The following MDGA2 variants were observed in gnomAD, a reference collection of about 807,000 sequenced individuals.
The protein encoded by MDGA2 is MAM domain containing glycosylphosphatidylinositol anchor 2, also known as MAM domain-containing glycosylphosphatidylinositol anchor protein 2.
Under a neutral mutation model 117.8 loss-of-function variants are expected in MDGA2, and 40 were observed. The observed-to-expected ratio is 0.34, with a 90% CI of 0.26 to 0.44. MDGA2 has a LOEUF of 0.44. MDGA2 is among the 20% of genes least tolerant of loss of function. The pLI is 1.00. For synonymous variants in MDGA2, 452 were observed against 439.0 expected (o/e 1.03, Z -0.37); for missense variants, 1,123 against 1,250.6 (o/e 0.90, Z 1.54).
intron 7 of MDGA2, among the ~76,000 whole-genome samples, chr14:47,053,668 CACAT>C (rs1434569314): frequency 1.3e-4 from 18 of 143,044 alleles, no homozygotes; most frequent in Admixed American, 2.1e-4. Flanking sequence ...CACACACACA[CACAT>C]ATATATATAC....
chr14:47,215,531 C>CT (rs1349033074), intron 3 of MDGA2, among the ~76,000 whole-genome samples: 1 of 152,014 alleles, frequency 6.6e-6, no homozygotes, highest in Non-Finnish European at 1.5e-5. Context: ...TTAGATAGGT[C>CT]TAGTGGTCTC....
At chr14:47,421,927 T>G (rs1221775913) in intron 1 of MDGA2, among the ~76,000 whole-genome samples, 2 of 152,138 alleles carry the variant, frequency 1.3e-5, no homozygotes, top group Non-Finnish European at 2.9e-5. Context: ...TTTTTTCAAG[T>G]TAAAAAAAAT....
At chr14:47,386,039 G>C (rs1381202630) in intron 1 of MDGA2, among the ~76,000 whole-genome samples, 2 of 152,078 alleles carry the variant, frequency 1.3e-5, no homozygotes, top group Admixed American at 6.6e-5. Context: ...CCAGCACTTT[G>C]GGGGGCTGAG....
intron 14 of MDGA2, among the ~76,000 whole-genome samples, chr14:46,861,500 C>G (rs886532674): frequency 1.3e-5 from 2 of 151,338 alleles, no homozygotes; most frequent in African/African-American, 4.8e-5. Context: ...AATATTTTGC[C>G]TAGGTTTAAA....
At chr14:47,053,504 A>T (rs996760616) in intron 7 of MDGA2, among the ~76,000 whole-genome samples, 4 of 150,938 alleles carry the variant, frequency 2.7e-5, no homozygotes, top group Non-Finnish European at 4.4e-5. Flanking sequence ...ACAGTTTGGG[A>T]TCATAGAAGC....
chr14:47,297,694 G>T (rs548870005), intron 2 of MDGA2, among the ~76,000 whole-genome samples: 2 of 152,250 alleles, frequency 1.3e-5, no homozygotes, highest in African/African-American at 4.8e-5. Flanking sequence ...GAGGTAGTCT[G>T]AACATAGTTC....
chr14:47,424,087 A>ATAG (rs1323497902), intron 1 of MDGA2, among the ~76,000 whole-genome samples: 2 of 152,106 alleles, frequency 1.3e-5, no homozygotes, highest in African/African-American at 4.8e-5. Flanking sequence ...TGCTAGGATT[A>ATAG]TAGGCATGAG....
Position 47,584,770 on chromosome 14 carries a change from T to A in MDGA2, c.280+89747A>T, listed in dbSNP as rs552059947. ...AAACTTCTTATAATCCCATAGAAGT[T>A]CCTCCATGAATTAATCATTGCCTAC... is the stretch of plus-strand genomic sequence containing the variant. On this transcript the variant is annotated intron_variant, in intron 1 of 16. Coordinates refer to ENST00000399232, the MANE Select transcript of MDGA2 (RefSeq NM_001113498.3). Among the ~76,000 whole-genome samples the A allele has an allele frequency of 3.8e-3, 571 of 151,894 alleles. 6 individuals carry two copies. The highest frequency in any genetic ancestry group is 0.013 in the African/African-American group (551 of 41,492).
chr14:47,657,859 T>G (rs1897773040), intron 1 of MDGA2, among the ~76,000 whole-genome samples: 1 of 152,162 alleles, frequency 6.6e-6, no homozygotes, highest in South Asian at 2.1e-4. Context: ...GACCCCACAC[T>G]TGCAGGATAT....
chr14:47,626,896 C>G (rs953059288), intron 1 of MDGA2, among the ~76,000 whole-genome samples: 7 of 152,262 alleles, frequency 4.6e-5, no homozygotes, highest in South Asian at 2.1e-4. Context: ...TGCAGGCGCA[C>G]GGCGCTGGAC....
Position 47,360,468 on chromosome 14 carries a change from C to T in MDGA2, c.281-58918G>A, listed in dbSNP as rs534857883. On this transcript the variant is annotated intron_variant, in intron 1 of 16. Coordinates refer to ENST00000399232, the MANE Select transcript of MDGA2 (RefSeq NM_001113498.3). Reference sequence around the variant, plus strand: ...CCAAGGAAGACATAAAAATGGGCAACGGGTATATGAAAAGGTGCTTTCCCA... The same window carrying T: ...CCAAGGAAGACATAAAAATGGGCAATGGGTATATGAAAAGGTGCTTTCCCA... Among the ~76,000 whole-genome samples the T allele has an allele frequency of 6.6e-5, 10 of 151,828 alleles. No homozygotes were observed. In the East Asian group the frequency reaches 1.7e-3, roughly 26 times the overall value.
intron 11 of MDGA2, among the ~76,000 whole-genome samples, chr14:46,879,461 A>G (rs1001607530): frequency 3.9e-5 from 6 of 152,156 alleles, no homozygotes; most frequent in Admixed American, 3.9e-4. Flanking sequence ...TATCACATAA[A>G]AATAATTTTA....
At chr14:47,466,095 A>T (rs1893597634) in intron 1 of MDGA2, among the ~76,000 whole-genome samples, 1 of 152,136 alleles carries the variant, frequency 6.6e-6, no homozygotes, top group Admixed American at 6.5e-5. Context: ...GCATGTTCTT[A>T]CCTATAAGTG....
intron 1 of MDGA2, among the ~76,000 whole-genome samples, chr14:47,559,044 T>G (rs183286273): frequency 6.6e-6 from 1 of 152,340 alleles, no homozygotes; most frequent in East Asian, 1.9e-4. Context: ...CTTTAAAACA[T>G]TAATCAATAA....
intron 7 of MDGA2, among the ~76,000 whole-genome samples, chr14:47,052,645 C>G (rs140977473): frequency 6.6e-6 from 1 of 151,918 alleles, no homozygotes; most frequent in East Asian, 1.9e-4. Context: ...ATTGATATAA[C>G]TTATGCTTCT....
At chr14:47,501,166 G>A (rs527965761) in intron 1 of MDGA2, among the ~76,000 whole-genome samples, 5 of 152,148 alleles carry the variant, frequency 3.3e-5, no homozygotes, top group South Asian at 4.2e-4. Flanking sequence ...ACCAGTTTAC[G>A]GGTAAGAGAT....
chr14:46,983,156 T>A (rs1408006978), intron 8 of MDGA2, among the ~76,000 whole-genome samples: 2 of 152,140 alleles, frequency 1.3e-5, no homozygotes, highest in African/African-American at 2.4e-5. Context: ...GAGTAAAATA[T>A]AGCCCATATC....
At chr14:47,647,971 A>G (rs1897568318) in intron 1 of MDGA2, among the ~76,000 whole-genome samples, 1 of 152,158 alleles carries the variant, frequency 6.6e-6, no homozygotes, top group Non-Finnish European at 1.5e-5. Flanking sequence ...AGATGCCACC[A>G]AAATATGTAT....
At chr14:47,252,707 T>C (rs942916988) in intron 2 of MDGA2, among the ~76,000 whole-genome samples, 5 of 152,088 alleles carry the variant, frequency 3.3e-5, no homozygotes, top group African/African-American at 1.2e-4. Context: ...AACAGATCTG[T>C]ATGTTAGAAT....
Sources: allele counts gnomAD v4.1 joint callset (sites outside exome capture counted in the v4.1 genomes callset), GRCh38; gene constraint gnomAD v4.1.1; transcripts MANE v1.5; gene names NCBI Gene and HGNC (gene_info 2026-07-23, HGNC 2026-07-21).